ARID1B: variants seen among roughly 807,000 people sequenced by gnomAD.
ARID1B encodes AT-rich interaction domain 1B.
Under a neutral mutation model 212.3 loss-of-function variants are expected in ARID1B, and 30 were observed. The observed-to-expected ratio is 0.14, with a 90% CI of 0.11 to 0.19. ARID1B has a LOEUF of 0.19. Ranked by LOEUF, ARID1B falls within the 10% of genes least tolerant of loss-of-function variation. ARID1B has a pLI of 1.00. For synonymous variants in ARID1B, 1,402 were observed against 1,301.7 expected, an observed-to-expected ratio of 1.08 and a Z score of -1.66; for missense variants, 2,891 against 3,204.0, an observed-to-expected ratio of 0.90 and a Z score of 2.36.
intron 4 of ARID1B, among the ~76,000 whole-genome samples, chr6:156,980,104 T>C (rs1267957647): frequency 6.6e-6 from 1 of 152,224 alleles, no homozygotes; most frequent in Non-Finnish European, 1.5e-5. Context: ...ATTTAGCATT[T>C]GCCATTAAAC....
chr6:156,948,155 G>T (rs576311866), intron 4 of ARID1B, among the ~76,000 whole-genome samples: 3 of 152,306 alleles, frequency 2.0e-5, no homozygotes, highest in African/African-American at 7.2e-5. Flanking sequence ...GGGTATTCTT[G>T]AATAAATACA....
intron 1 of ARID1B, among the ~76,000 whole-genome samples, chr6:156,784,881 C>T (rs906228309): frequency 1.8e-4 from 28 of 152,080 alleles, no homozygotes; most frequent in Non-Finnish European, 3.2e-4. Flanking sequence ...TGCCTCAGCC[C>T]CGCAAGCAGC....
intron 11 of ARID1B, among the ~76,000 whole-genome samples, chr6:157,177,683 G>C (rs1407179676): frequency 6.6e-6 from 1 of 152,220 alleles, no homozygotes. Context: ...CTTAATTAAA[G>C]TATATGCAAG....
At chr6:157,043,963 A>T (rs1021858058) in intron 4 of ARID1B, among the ~76,000 whole-genome samples, 2 of 152,182 alleles carry the variant, frequency 1.3e-5, no homozygotes, top group African/African-American at 4.8e-5. Context: ...TATCTATGGG[A>T]TATACGTGTT....
At chr6:157,114,700 C>A (rs1158872923) in intron 6 of ARID1B, among the ~76,000 whole-genome samples, 1 of 151,948 alleles carries the variant, frequency 6.6e-6, no homozygotes, top group Non-Finnish European at 1.5e-5. Context: ...AATAGTCCAC[C>A]ATATACGTAC....
At chr6:156,902,415 T>A (rs1474691291) in intron 3 of ARID1B, among the ~76,000 whole-genome samples, 1 of 152,230 alleles carries the variant, frequency 6.6e-6, no homozygotes, top group Non-Finnish European at 1.5e-5. Flanking sequence ...TTTAAAGGAC[T>A]TCTTTTGTGG....
chr6:157,181,541 C>T (rs971485194), intron 12 of ARID1B, among the ~76,000 whole-genome samples: 2 of 152,226 alleles, frequency 1.3e-5, no homozygotes, highest in East Asian at 3.8e-4. Context: ...AATTAATTAT[C>T]TGTGTCAGAT....
At chr6:156,906,690 C>T (rs967927532) in intron 3 of ARID1B, among the ~76,000 whole-genome samples, 16 of 152,080 alleles carry the variant, frequency 1.1e-4, no homozygotes, top group Middle Eastern at 3.4e-3. Context: ...CCATGCAGTC[C>T]GCTGGCTCTT....
At chr6:156,986,629 C>T (rs1777934440) in intron 4 of ARID1B, among the ~76,000 whole-genome samples, 1 of 152,140 alleles carries the variant, frequency 6.6e-6, no homozygotes, top group Non-Finnish European at 1.5e-5. Context: ...GAGCATTGCC[C>T]GGCTCATAGT....
intron 4 of ARID1B, among the ~76,000 whole-genome samples, chr6:156,970,809 T>C (rs1364401143): frequency 1.3e-5 from 2 of 152,218 alleles, no homozygotes; most frequent in Non-Finnish European, 2.9e-5. Flanking sequence ...TGTTTGTGGT[T>C]GGAGAGGGGG....
chr6:156,911,842 C>T (rs1789916655), intron 3 of ARID1B, among the ~76,000 whole-genome samples: 1 of 152,094 alleles, frequency 6.6e-6, no homozygotes, highest in African/African-American at 2.4e-5. Context: ...AAACCACGAG[C>T]AGGCATAGAA....
At chr6:156,815,972 A>G (rs879400868) in intron 1 of ARID1B, among the ~76,000 whole-genome samples, 2 of 152,242 alleles carry the variant, frequency 1.3e-5, no homozygotes, top group Admixed American at 1.3e-4. Flanking sequence ...AGTTTTTTCT[A>G]TATAGGACAT....
intron 7 of ARID1B, among the ~76,000 whole-genome samples, chr6:157,136,838 G>A (rs759079669): frequency 6.6e-6 from 1 of 152,022 alleles, no homozygotes; most frequent in Non-Finnish European, 1.5e-5. Context: ...CTCCAGCCTG[G>A]GTGACAGAGT....
At chr6:156,961,367 A>G (rs1794361178) in intron 4 of ARID1B, among the ~76,000 whole-genome samples, 1 of 152,220 alleles carries the variant, frequency 6.6e-6, no homozygotes, top group Non-Finnish European at 1.5e-5. Context: ...TTGGAGAGTA[A>G]AATGAAATCA....
In ARID1B at chr6:156,839,959, G is replaced by A. The variant is rs117211154; in HGVS notation, c.1986+10538G>A. Among the ~76,000 whole-genome samples, 14 of 152,338 alleles carry A rather than the reference G, an allele frequency of 9.2e-5. No homozygotes were observed. In the East Asian group the frequency reaches 2.1e-3, roughly 23 times the overall value. On this transcript the variant is annotated intron_variant, in intron 2 of 19. Transcript: ENST00000636930. ...GCACGCAGGCTGCAAGAGAGGCTGC[G>A]AATTTGAGTTCGGATTTCTAAATTT...
At chr6:156,827,376 CTG>C (rs753030355) in intron 1 of ARID1B, among the ~76,000 whole-genome samples, 28 of 152,354 alleles carry the variant, frequency 1.8e-4, no homozygotes, top group South Asian at 2.1e-4. Context: ...TCCCTTCTAA[CTG>C]TGCCTTGGAG....
chr6:157,023,885 A>C (rs1253898573), intron 4 of ARID1B: 1 of 152,196 alleles, frequency 6.6e-6, no homozygotes, highest in Admixed American at 6.5e-5. Context: ...TTCAAGTGAG[A>C]TGTCAAGCAA....
chr6:156,824,689 C>G (rs1224718541), intron 1 of ARID1B, among the ~76,000 whole-genome samples: 3 of 151,918 alleles, frequency 2.0e-5, no homozygotes. Flanking sequence ...CACTTGAACC[C>G]GGGAGGTGGA....
At chr6:157,153,618 GT>G (rs1447008840) in intron 8 of ARID1B, among the ~76,000 whole-genome samples, 1 of 152,154 alleles carries the variant, frequency 6.6e-6, no homozygotes, top group East Asian at 1.9e-4. Flanking sequence ...GTGAGCCAAA[GT>G]TTGCCAGAAG....
Sources: allele counts gnomAD v4.1 joint callset (sites outside exome capture counted in the v4.1 genomes callset), GRCh38; gene constraint gnomAD v4.1.1; transcripts MANE v1.5; gene names NCBI Gene and HGNC (gene_info 2026-07-23, HGNC 2026-07-21).